The following CNTN5 variants were observed in gnomAD, a reference collection of about 807,000 sequenced individuals.
CNTN5 encodes the protein contactin-5.
In CNTN5, 77 loss-of-function variants were observed where a neutral mutation model predicts 129.1. The ratio of observed to expected loss-of-function variants is 0.60; its 90% CI spans 0.50 to 0.72. The LOEUF (loss-of-function observed/expected upper bound fraction) is 0.72. Ranked by LOEUF, CNTN5 falls within the 30% of genes least tolerant of loss-of-function variation. The probability of loss-of-function intolerance (pLI) is 0.00; values close to 1 mark genes in which losing one functional copy is unlikely to be tolerated. For synonymous variants in CNTN5, 509 were observed against 465.6 expected (o/e 1.09, Z -1.20); for missense variants, 1,478 against 1,328.8 (o/e 1.11, Z -1.75).
Position 100,356,200 on chromosome 11 carries a change from ATTCCTTCAAC to A in CNTN5, c.3289_3298del (p.Ser1097GlyfsTer5). On this transcript the variant is annotated frameshift_variant, in exon 25 of 25. Coordinates refer to ENST00000524871, the MANE Select transcript of CNTN5 (RefSeq NM_014361.4). LOFTEE classifies it high-confidence loss of function. ...AGTCACCTTGCTCTTGGCATTGATG[ATTCCTTCAAC>A]TTCCTGGTGAAAACTGCTGACTTAA... 1 of 1,608,688 alleles carries A rather than the reference ATTCCTTCAAC, an allele frequency of 6.2e-7. No homozygotes were observed. The highest frequency in any genetic ancestry group is 8.5e-7 in the Non-Finnish European group (1 of 1,176,856).
At chr11:99,143,697 G>C (rs1480613303) in intron 1 of CNTN5, among the ~76,000 whole-genome samples, 1 of 152,082 alleles carries the variant, frequency 6.6e-6, no homozygotes, top group Non-Finnish European at 1.5e-5. Flanking sequence ...ATAACATTTT[G>C]GGGATTTAGT....
At position 100,340,607 on chromosome 11, in the gene CNTN5, G is replaced by C; in HGVS notation, c.2875G>C (p.Gly959Arg). The C allele has an allele frequency of 6.2e-7, 1 of 1,612,794 alleles. No individual in the cohort carries two copies. The highest frequency in any genetic ancestry group is 8.5e-7 in the Non-Finnish European group (1 of 1,179,358). Residue 959 changes from glycine (G) to arginine (R), a missense_variant, in exon 22 of 25, where the codon GGG (glycine) becomes CGG (arginine). Gly to Arg is a moderately radical substitution (Grantham distance 125). Coordinates refer to ENST00000524871, the MANE Select transcript of CNTN5 (RefSeq NM_014361.4). ...GAGGGCTTACAATGGAGCTGGATAT[G>C]GGCCACCTAGCAGTGAAGTGAGTGC... ...TVRAYNGAGYGPPSSEVSATT... is the reference protein window; with the variant it reads ...TVRAYNGAGYRPPSSEVSATT...
chr11:99,313,165 T>A (rs1865191021), intron 1 of CNTN5, among the ~76,000 whole-genome samples: 1 of 151,696 alleles, frequency 6.6e-6, no homozygotes, highest in Non-Finnish European at 1.5e-5. Context: ...ATTCAATGAA[T>A]AGAAATCAAA....
chr11:100,158,994 A>ATAAAC (rs1249287919), intron 13 of CNTN5, among the ~76,000 whole-genome samples: 1 of 151,936 alleles, frequency 6.6e-6, no homozygotes, highest in Non-Finnish European at 1.5e-5. Flanking sequence ...ATGAAAATTA[A>ATAAAC]TAAACTAAAG....
At chr11:100,109,208 A>C (rs1945560875) in intron 13 of CNTN5, among the ~76,000 whole-genome samples, 2 of 152,174 alleles carry the variant, frequency 1.3e-5, no homozygotes, top group African/African-American at 4.8e-5. Flanking sequence ...CGGATGGATC[A>C]CGAAGTCAGG....
chr11:99,416,332 G>GTA (rs1360063009), intron 2 of CNTN5, among the ~76,000 whole-genome samples: 1 of 152,010 alleles, frequency 6.6e-6, no homozygotes, highest in Non-Finnish European at 1.5e-5. Context: ...GGCTGACTGA[G>GTA]TACAGTGGCT....
intron 9 of CNTN5, among the ~76,000 whole-genome samples, chr11:100,026,357 C>G (rs1219499006): frequency 6.6e-6 from 1 of 151,992 alleles, no homozygotes; most frequent in Non-Finnish European, 1.5e-5. Context: ...TATAAATTGC[C>G]TAGTCTCAGG....
At chr11:100,310,371 A>C (rs1951447735) in intron 21 of CNTN5, among the ~76,000 whole-genome samples, 1 of 151,904 alleles carries the variant, frequency 6.6e-6, no homozygotes, top group East Asian at 1.9e-4. Flanking sequence ...TGACACTCAG[A>C]TAACCATTAT....
At chr11:99,833,893 T>C (rs1716368337) in intron 4 of CNTN5, among the ~76,000 whole-genome samples, 1 of 152,120 alleles carries the variant, frequency 6.6e-6, no homozygotes, top group Non-Finnish European at 1.5e-5. Context: ...TTTCAGACAT[T>C]TGTGGGGGTA....
intron 2 of CNTN5, among the ~76,000 whole-genome samples, chr11:99,378,703 T>C (rs986231283): frequency 1.3e-5 from 2 of 152,094 alleles, no homozygotes; most frequent in African/African-American, 4.8e-5. Context: ...CTCTGTAGTA[T>C]GGATGACTAT....
intron 3 of CNTN5, among the ~76,000 whole-genome samples, chr11:99,684,556 T>C (rs1953703564): frequency 6.6e-6 from 1 of 151,930 alleles, no homozygotes; most frequent in African/African-American, 2.4e-5. Flanking sequence ...GCTTTTCCTC[T>C]TTCTGAATCT....
intron 3 of CNTN5, among the ~76,000 whole-genome samples, chr11:99,679,813 C>G (rs943674737): frequency 6.6e-5 from 10 of 152,218 alleles, no homozygotes; most frequent in Non-Finnish European, 1.0e-4. Flanking sequence ...AGCTAGGCCT[C>G]TTGCATCAAA....
intron 2 of CNTN5, among the ~76,000 whole-genome samples, chr11:99,450,795 T>C (rs1944273580): frequency 6.9e-6 from 1 of 145,484 alleles, no homozygotes; most frequent in South Asian, 2.3e-4. Context: ...TTTTTTGCTC[T>C]TCTGCACATG....
Position 99,796,262 on chromosome 11 carries a change from A to G in CNTN5, c.56-23282A>G, listed in dbSNP as rs572851755. ...ATCTCTGGGCACATTTGCACCAGCA[A>G]TGGTGGCACAGTCAGGGAGTGGCAG... On this transcript the variant is annotated intron_variant, in intron 3 of 24. Coordinates refer to ENST00000524871, the MANE Select transcript of CNTN5 (RefSeq NM_014361.4). Among the ~76,000 whole-genome samples, 16 of 152,246 alleles carry G rather than the reference A, an allele frequency of 1.1e-4. No individual in the cohort carries two copies. The East Asian group carries it at 2.3e-3, about 22-fold the overall frequency.
rs545772586 is a variant in CNTN5, at chr11:100,289,138, G to A, written c.2315-8487G>A. Among the ~76,000 whole-genome samples the A allele has an allele frequency of 9.9e-4, 151 of 151,930 alleles. 6 individuals carry two copies. The East Asian group carries it at 0.013, about 13-fold the overall frequency. On this transcript the variant is annotated intron_variant, in intron 18 of 24. Coordinates refer to ENST00000524871, the MANE Select transcript of CNTN5 (RefSeq NM_014361.4). ...ATCAATAGTTTACCAACCAAAAAGA[G>A]TCCAGGACCAGATGGATTCACAGCC... is the stretch of plus-strand genomic sequence containing the variant.
intron 1 of CNTN5, among the ~76,000 whole-genome samples, chr11:99,033,639 A>C (rs1863525279): frequency 1.3e-5 from 2 of 150,782 alleles, no homozygotes; most frequent in Non-Finnish European, 3.0e-5. Flanking sequence ...ACTTTGCTGA[A>C]GTTGCTTATC....
chr11:99,166,259 G>A lies in CNTN5; in HGVS notation c.-210+144989G>A, dbSNP rs150698084. 8.6e-5 allele frequency among the ~76,000 whole-genome samples: 13 copies of A among 152,010 alleles called. 1 individual carries two copies. The East Asian group carries it at 1.6e-3, about 18-fold the overall frequency. On this transcript the variant is annotated intron_variant, in intron 1 of 24. Transcript: ENST00000524871. ...CTACTAAATATACAAAAAATTAGCCGGGCATGGTGGCACGCACCTGTAGTC... is the reference window on the plus strand; with the variant it reads ...CTACTAAATATACAAAAAATTAGCCAGGCATGGTGGCACGCACCTGTAGTC...
chr11:99,182,696 T>G (rs910801292), intron 1 of CNTN5, among the ~76,000 whole-genome samples: 2 of 152,106 alleles, frequency 1.3e-5, no homozygotes, highest in African/African-American at 4.8e-5. Flanking sequence ...TCTAATAAGT[T>G]CCAGTTTTTA....
intron 1 of CNTN5, among the ~76,000 whole-genome samples, chr11:99,086,581 T>G (rs1465539581): frequency 1.3e-5 from 2 of 152,204 alleles, no homozygotes; most frequent in Non-Finnish European, 2.9e-5. Context: ...CATGATTCAC[T>G]GGGCAGGGAT....
Sources: gnomAD v4.1 joint callset for allele counts (sites outside exome capture counted in the v4.1 genomes callset) on GRCh38, gnomAD v4.1.1 for gene constraint, MANE v1.5 for transcripts, NCBI Gene and HGNC (gene_info 2026-07-23, HGNC 2026-07-21) for gene names.